The following OCIAD1 variants were observed in gnomAD, a reference collection of about 807,000 sequenced individuals.
OCIAD1 encodes OCIA domain containing 1.
Under a neutral mutation model 38.9 loss-of-function variants are expected in OCIAD1, and 29 were observed. The ratio of observed to expected loss-of-function variants is 0.74; its 90% CI spans 0.55 to 1.02. OCIAD1 has a LOEUF of 1.02. OCIAD1 is among the 50% of genes least tolerant of loss of function. OCIAD1 has a pLI of 0.00. For synonymous variants in OCIAD1, 110 were observed against 92.0 expected, an observed-to-expected ratio of 1.20 and a Z score of -1.12; for missense variants, 288 against 289.6, an observed-to-expected ratio of 0.99 and a Z score of 0.04.
At chr4:48,812,614 T>C (rs934940458) in intron 1 of OCIAD1, among the ~76,000 whole-genome samples, 5 of 152,100 alleles carry the variant, frequency 3.3e-5, no homozygotes, top group African/African-American at 9.7e-5. Context: ...GGATAGAGAA[T>C]TGAAAGATTG....
In OCIAD1 at chr4:48,842,637, T is replaced by C; in HGVS notation, c.141T>C (p.Ser47=). 4.5e-6 allele frequency: 7 copies of C among 1,569,086 alleles called. No homozygotes were observed. Among genetic ancestry groups the C allele is most frequent in the Non-Finnish European group, 6.0e-6 (7 of 1,158,396 alleles). ...ECNDESFWFR[S]VPLAATSMLI... is the part of the protein sequence containing the mutation. The stretch of plus-strand genomic sequence containing the variant: ...AACAAGGTCTTTTTCTTCCTATAGC[T>C]GTGCCTTTGGCTGCAACAAGTATGT... Residue 47 remains serine (S), a splice_region_variant and synonymous_variant, in exon 4 of 9, where the codon TCT becomes TCC. Coordinates refer to ENST00000264312, the MANE Select transcript of OCIAD1 (RefSeq NM_017830.4).
At chr4:48,820,489 G>T (rs1373230623) in intron 1 of OCIAD1, among the ~76,000 whole-genome samples, 1 of 152,124 alleles carries the variant, frequency 6.6e-6, no homozygotes, top group Non-Finnish European at 1.5e-5. Flanking sequence ...ACAATTAAAA[G>T]AATGAAAGAA....
intron 3 of OCIAD1, among the ~76,000 whole-genome samples, chr4:48,838,523 A>G (rs1319216467): frequency 6.6e-6 from 1 of 152,216 alleles, no homozygotes; most frequent in African/African-American, 2.4e-5. Context: ...CTTGGTTGTA[A>G]CCAGGTGATA....
chr4:48,843,883 C>A (rs1778748570), intron 4 of OCIAD1, among the ~76,000 whole-genome samples: 1 of 152,072 alleles, frequency 6.6e-6, no homozygotes, highest in African/African-American at 2.4e-5. Context: ...GAAGGTTACA[C>A]AAAAGAATTT....
At chr4:48,810,468 C>CAAAAAA (rs749988114) in intron 1 of OCIAD1, among the ~76,000 whole-genome samples, 4 of 42,316 alleles carry the variant, frequency 9.5e-5, no homozygotes, top group South Asian at 8.3e-4. Context: ...GACTCCATCT[C>CAAAAAA]AAAAAAAAAA....
chr4:48,815,106 G>T (rs1361612278), intron 1 of OCIAD1, among the ~76,000 whole-genome samples: 1 of 152,152 alleles, frequency 6.6e-6, no homozygotes, highest in Non-Finnish European at 1.5e-5. Flanking sequence ...GAGGTCAGGA[G>T]TTCGAGACCA....
chr4:48,828,273 G>A (rs976056655), upstream of OCIAD1, among the ~76,000 whole-genome samples: 2 of 152,062 alleles, frequency 1.3e-5, no homozygotes, highest in African/African-American at 4.8e-5. Context: ...TCAGCACTCT[G>A]TGTCTAGCTC....
chr4:48,835,532 A>G (rs1316293855), intron 3 of OCIAD1, among the ~76,000 whole-genome samples: 1 of 152,164 alleles, frequency 6.6e-6, no homozygotes. Flanking sequence ...ATACTTTAAC[A>G]ACTTTATAAT....
At chr4:48,860,594 A>G (rs1301930030) in intron 8 of OCIAD1, 131 bp from the exon 9 acceptor site, 1 of 734,678 alleles carries the variant, frequency 1.4e-6, no homozygotes. Flanking sequence ...TTTTGTAATT[A>G]TAATTTGACT....
At chr4:48,845,090 T>A (rs1444812418) in intron 4 of OCIAD1, among the ~76,000 whole-genome samples, 1 of 152,198 alleles carries the variant, frequency 6.6e-6, no homozygotes, top group African/African-American at 2.4e-5. Flanking sequence ...CTTCTGTTTC[T>A]TCCTGATCTG....
chr4:48,806,192 G>A (rs1194609612), intron 1 of OCIAD1, among the ~76,000 whole-genome samples: 6 of 152,066 alleles, frequency 3.9e-5, no homozygotes, highest in Admixed American at 6.5e-5. Context: ...GCTTGAACCC[G>A]GGAGGTGGAG....
chr4:48,857,325 C>G lies in OCIAD1; in HGVS notation c.660C>G (p.Pro220=). ...YEVSLTQKTD[P]SVRPMHERVP... The stretch of plus-strand genomic sequence containing the variant: ...TATCTTTAACACAAAAGACTGACCC[C>G]TCAGTCAGGCCTATGCATGAAAGAG... The change falls in exon 8 of 9, where the codon CCC becomes CCG. Residue 220 remains proline (P), a synonymous_variant. Coordinates refer to ENST00000264312, the MANE Select transcript of OCIAD1 (RefSeq NM_017830.4). The G allele has an allele frequency of 6.3e-7, 1 of 1,594,532 alleles. No individual in the cohort carries two copies. Among genetic ancestry groups the G allele is most frequent in the Non-Finnish European group, 8.5e-7 (1 of 1,170,064 alleles).
chr4:48,834,039 G>T (rs1777764841), intron 3 of OCIAD1, among the ~76,000 whole-genome samples: 1 of 151,892 alleles, frequency 6.6e-6, no homozygotes, highest in South Asian at 2.1e-4. Flanking sequence ...TATCAAGATT[G>T]TATTTTTTAA....
intron 1 of OCIAD1, among the ~76,000 whole-genome samples, chr4:48,815,146 T>C (rs1777132617): frequency 1.3e-5 from 2 of 152,046 alleles, no homozygotes; most frequent in South Asian, 4.1e-4. Context: ...ACCCCATCTC[T>C]ACTAAAAATA....
chr4:48,829,137 G>A (rs1777290414), upstream of OCIAD1, among the ~76,000 whole-genome samples: 1 of 151,996 alleles, frequency 6.6e-6, no homozygotes, highest in Non-Finnish European at 1.5e-5. Context: ...GTGCACACCT[G>A]TGGTCCCAGC....
chr4:48,859,382 G>A (rs2109634864), intron 8 of OCIAD1, among the ~76,000 whole-genome samples: 2 of 152,238 alleles, frequency 1.3e-5, no homozygotes, highest in South Asian at 4.1e-4. Context: ...GATTTAGATT[G>A]TAAGCTCTGT....
At chr4:48,828,127 G>A (rs1221158917), upstream of OCIAD1, among the ~76,000 whole-genome samples, 2 of 152,134 alleles carry the variant, frequency 1.3e-5, no homozygotes, top group Non-Finnish European at 2.9e-5. Flanking sequence ...CTAGGGAAAG[G>A]TTTGTAAATG....
At chr4:48,849,209 G>A (rs1315675067) in intron 5 of OCIAD1, among the ~76,000 whole-genome samples, 1 of 152,072 alleles carries the variant, frequency 6.6e-6, no homozygotes, top group African/African-American at 2.4e-5. Context: ...ACGAGTTAAT[G>A]GGTGCAGCAC....
intron 1 of OCIAD1, among the ~76,000 whole-genome samples, chr4:48,817,536 T>A (rs1777155243): frequency 6.6e-6 from 1 of 152,164 alleles, no homozygotes; most frequent in Non-Finnish European, 1.5e-5. Context: ...GCAGAAGTAT[T>A]TTTTCATACC....
Sources: allele counts gnomAD v4.1 joint callset (sites outside exome capture counted in the v4.1 genomes callset), GRCh38; gene constraint gnomAD v4.1.1; transcripts MANE v1.5; gene names NCBI Gene and HGNC (gene_info 2026-07-23, HGNC 2026-07-21).